TTC33: variants seen among roughly 807,000 people sequenced by gnomAD.
The protein encoded by TTC33 is tetratricopeptide repeat protein 33.
A neutral mutation model predicts 29.4 loss-of-function variants in TTC33; 24 were observed. That is an observed-to-expected ratio of 0.82 (90% confidence interval 0.59 to 1.15). The LOEUF is 1.15. TTC33 is among the 50% of genes most tolerant of loss of function. The pLI is 0.00. For synonymous variants in TTC33, 107 were observed against 100.3 expected (o/e 1.07, Z -0.40); for missense variants, 286 against 310.4 (o/e 0.92, Z 0.59).
At chr5:40,750,149 T>C (rs1742868005) in intron 1 of TTC33, among the ~76,000 whole-genome samples, 1 of 151,744 alleles carries the variant, frequency 6.6e-6, no homozygotes, top group African/African-American at 2.4e-5. Flanking sequence ...GAAACGCCAA[T>C]GATCATCTGA....
chr5:40,736,029 A>T (rs1463927062), intron 2 of TTC33, among the ~76,000 whole-genome samples: 1 of 152,178 alleles, frequency 6.6e-6, no homozygotes, highest in Non-Finnish European at 1.5e-5. Context: ...AGCAAGAAGG[A>T]CCGAGAGAAA....
chr5:40,733,106 A>T (rs1742471079), intron 2 of TTC33, among the ~76,000 whole-genome samples: 1 of 152,206 alleles, frequency 6.6e-6, no homozygotes, highest in South Asian at 2.1e-4. Flanking sequence ...TGTTCCGTTC[A>T]TTATTTCATA....
At chr5:40,749,310 G>C (rs950515513) in intron 1 of TTC33, among the ~76,000 whole-genome samples, 1 of 152,092 alleles carries the variant, frequency 6.6e-6, no homozygotes, top group African/African-American at 2.4e-5. Flanking sequence ...GAAACACTGG[G>C]AACTGTATAT....
intron 2 of TTC33, among the ~76,000 whole-genome samples, chr5:40,744,635 C>G (rs1166507793): frequency 2.0e-5 from 3 of 152,054 alleles, no homozygotes; most frequent in African/African-American, 7.2e-5. Flanking sequence ...TCTGGATGAT[C>G]TGAAGTGTAT....
chr5:40,750,360 A>C (rs149705644), intron 1 of TTC33, among the ~76,000 whole-genome samples: 1,622 of 152,250 alleles, frequency 0.011, 24 homozygotes, highest in African/African-American at 0.037. Flanking sequence ...GCTTGAGCCC[A>C]GGAGTTTGAG....
At position 40,728,395 on chromosome 5, in the gene TTC33, A is replaced by G; in HGVS notation, c.385T>C (p.Ser129Pro). 1 of 1,613,332 alleles carries G rather than the reference A, an allele frequency of 6.2e-7. No homozygotes were observed. The highest frequency in any genetic ancestry group is 1.7e-4 in the Middle Eastern group (1 of 6,056). ...AVQQNPHSWE[S>P]WQTLGRAQLG... ...TGAGCACGTCCCAAAGTCTGCCAAG[A>G]CTCCCATGAATGTGGATTTTGCTGG... The change falls in exon 4 of 5, where the codon TCT becomes CCT. Residue 129 changes from serine to proline, a missense_variant. Transcript: ENST00000337702.
chr5:40,745,246 C>A (rs1742768450), intron 2 of TTC33, among the ~76,000 whole-genome samples: 1 of 152,082 alleles, frequency 6.6e-6, no homozygotes. Flanking sequence ...AAAACCTAAA[C>A]ATGAACTAAT....
At chr5:40,738,490 AATACAATACAATAC>A (rs1742609699) in intron 2 of TTC33, among the ~76,000 whole-genome samples, 1 of 137,344 alleles carries the variant, frequency 7.3e-6, no homozygotes, top group African/African-American at 2.8e-5. Flanking sequence ...AATACAATAC[AATACAATACAATAC>A]AATAAAATAC....
intron 1 of TTC33, among the ~76,000 whole-genome samples, chr5:40,748,653 T>A (rs1742843549): frequency 6.6e-6 from 1 of 152,202 alleles, no homozygotes; most frequent in Non-Finnish European, 1.5e-5. Context: ...GGGAGTGCAA[T>A]GCAAGAGAAA....
chr5:40,747,819 T>C (rs1742824986), intron 1 of TTC33, among the ~76,000 whole-genome samples: 1 of 152,032 alleles, frequency 6.6e-6, no homozygotes, highest in Non-Finnish European at 1.5e-5. Flanking sequence ...AAAAAGCCAA[T>C]GAGAAGAAAA....
At position 40,728,342 on chromosome 5, in the gene TTC33, C is replaced by T. The variant is rs1424559241; in HGVS notation, c.435+3G>A. ...CTGCATTATAATAATCTGACTTCCT[C>T]ACCAGGATTATCTCTCCTAAACCAA... On this transcript the variant is annotated splice_donor_region_variant and intron_variant, in intron 4 of 4. Transcript: ENST00000337702. 2.0e-6 allele frequency: 3 copies of T among 1,523,482 alleles called. No homozygotes were observed. Among genetic ancestry groups the T allele is most frequent in the Admixed American group, 3.9e-5 (2 of 50,918 alleles). 94.4% of individuals were successfully genotyped at this position (1,523,482 alleles called of 1,614,324 possible). A position where few individuals can be genotyped will look rare whatever the true frequency, so the allele number is the denominator to read the frequency against.
At position 40,716,285 on chromosome 5, in the gene TTC33, C is replaced by G. The variant is rs749984058; in HGVS notation, c.649G>C (p.Ala217Pro). ...ACTGTCTTCTCTTTCTCAGCAATAGCTGCACAAACAGCAACAATCTCATCA... is the reference window on the plus strand; with the variant it reads ...ACTGTCTTCTCTTTCTCAGCAATAGGTGCACAAACAGCAACAATCTCATCA... ...ESDEIVAVCAAIAEKEKTVSA... is the reference protein window; with the variant it reads ...ESDEIVAVCAPIAEKEKTVSA... Residue 217 changes from alanine to proline, a missense_variant, in exon 5 of 5, where the codon GCT becomes CCT. Coordinates refer to ENST00000337702, the MANE Select transcript of TTC33 (RefSeq NM_012382.3). The G allele has an allele frequency of 6.2e-7, 1 of 1,614,218 alleles. No individual in the cohort carries two copies. The highest frequency in any genetic ancestry group is 8.5e-7 in the Non-Finnish European group (1 of 1,180,040).
chr5:40,746,304 C>T (rs1742786683), intron 2 of TTC33, among the ~76,000 whole-genome samples: 1 of 152,048 alleles, frequency 6.6e-6, no homozygotes. Flanking sequence ...ATAAATGAAG[C>T]TATTATCAAC....
intron 4 of TTC33, among the ~76,000 whole-genome samples, chr5:40,726,837 G>A (rs1356806764): frequency 1.3e-5 from 2 of 152,020 alleles, no homozygotes; most frequent in Non-Finnish European, 1.5e-5. Flanking sequence ...AGGGAGGCAA[G>A]GAAAAAGTAT....
At chr5:40,720,008 C>G (rs1742090813) in intron 4 of TTC33, among the ~76,000 whole-genome samples, 1 of 152,058 alleles carries the variant, frequency 6.6e-6, no homozygotes, top group African/African-American at 2.4e-5. Context: ...ACTTTCTTGA[C>G]AGTAACTTTT....
At chr5:40,746,488 T>C (rs1742790757) in intron 2 of TTC33, among the ~76,000 whole-genome samples, 1 of 152,226 alleles carries the variant, frequency 6.6e-6, no homozygotes, top group Non-Finnish European at 1.5e-5. Flanking sequence ...CACCTTTTAC[T>C]GACCAATCAC....
chr5:40,717,928 G>A (rs796123351), intron 4 of TTC33, among the ~76,000 whole-genome samples: 1 of 152,084 alleles, frequency 6.6e-6, no homozygotes, highest in African/African-American at 2.4e-5. Context: ...CAGGTGTGGT[G>A]GTGCACGCCT....
At chr5:40,720,474 A>G (rs1279690359) in intron 4 of TTC33, among the ~76,000 whole-genome samples, 3 of 152,222 alleles carry the variant, frequency 2.0e-5, no homozygotes, top group Non-Finnish European at 2.9e-5. Context: ...AAACTTAAAT[A>G]TACATATGTA....
intron 2 of TTC33, among the ~76,000 whole-genome samples, chr5:40,735,862 C>T (rs1355362455): frequency 6.6e-6 from 1 of 152,028 alleles, no homozygotes. Flanking sequence ...TCACTGATAA[C>T]CTTTACAAAA....
Sources: allele counts gnomAD v4.1 joint callset (sites outside exome capture counted in the v4.1 genomes callset), GRCh38; gene constraint gnomAD v4.1.1; transcripts MANE v1.5; gene names NCBI Gene and HGNC (gene_info 2026-07-23, HGNC 2026-07-21).